The following ANAPC10 variants were observed in gnomAD, a reference collection of about 807,000 sequenced individuals.
ANAPC10 encodes anaphase promoting complex subunit 10.
In ANAPC10, 12 loss-of-function variants were observed where a neutral mutation model predicts 22.0. The ratio of observed to expected loss-of-function variants is 0.55; its 90% CI spans 0.35 to 0.88. ANAPC10 has a LOEUF of 0.88. Among genes scored for constraint, ANAPC10 ranks in the 40% least tolerant of loss-of-function variants. ANAPC10 has a pLI of 0.01. For synonymous variants in ANAPC10, 65 were observed against 69.5 expected, an observed-to-expected ratio of 0.94 and a Z score of 0.32; for missense variants, 188 against 220.9, an observed-to-expected ratio of 0.85 and a Z score of 0.94.
intron 4 of ANAPC10, among the ~76,000 whole-genome samples, chr4:145,053,938 C>G (rs1426925986): frequency 6.6e-6 from 1 of 151,492 alleles, no homozygotes; most frequent in Non-Finnish European, 1.5e-5. Context: ...TAGATGAAGT[C>G]TCTCTCTGTC....
At chr4:145,075,510 T>C (rs1252862598) in intron 3 of ANAPC10, among the ~76,000 whole-genome samples, 2 of 150,196 alleles carry the variant, frequency 1.3e-5, no homozygotes, top group African/African-American at 2.5e-5. Flanking sequence ...AAGACAAGCA[T>C]ACTTTAAGCA....
chr4:145,054,654 C>T (rs571818001), intron 4 of ANAPC10, among the ~76,000 whole-genome samples: 24 of 142,068 alleles, frequency 1.7e-4, no homozygotes, highest in South Asian at 6.8e-4. Context: ...CGCGCGCGCG[C>T]GTGCGTGCAG....
intron 4 of ANAPC10, among the ~76,000 whole-genome samples, chr4:145,017,171 G>A (rs1298284726): frequency 1.5e-4 from 23 of 151,974 alleles, no homozygotes; most frequent in Admixed American, 7.2e-4. Context: ...AACTACCATC[G>A]GAGTAAACAG....
chr4:145,061,764 A>C (rs1742924906), intron 4 of ANAPC10, among the ~76,000 whole-genome samples: 1 of 152,200 alleles, frequency 6.6e-6, no homozygotes, highest in Non-Finnish European at 1.5e-5. Flanking sequence ...AGAACTAAAC[A>C]CTGATTAAAT....
At chr4:145,001,843 T>C (rs1380037637) in intron 4 of ANAPC10, among the ~76,000 whole-genome samples, 5 of 152,156 alleles carry the variant, frequency 3.3e-5, no homozygotes, top group Non-Finnish European at 5.9e-5. Context: ...TGGCTGTGAC[T>C]TACTTAAGAG....
chr4:144,994,754 A>G lies in ANAPC10; in HGVS notation c.*619T>C, dbSNP rs933121247. 6.6e-6 allele frequency: 1 copy of G among 152,096 alleles called. No homozygotes were observed. Among genetic ancestry groups the G allele is most frequent in the Admixed American group, 6.6e-5 (1 of 15,260 alleles). The allele number at this position is 152,096 out of a possible 1,614,324, so 9.4% of individuals were successfully genotyped here. Reference sequence around the variant, plus strand: ...AGATTATACAGGCAATCTTTACATAATATCATTAGGATACAGACAACCCTA... The same window carrying G: ...AGATTATACAGGCAATCTTTACATAGTATCATTAGGATACAGACAACCCTA... On this transcript the variant is annotated 3_prime_UTR_variant, in exon 5 of 5. Transcript: ENST00000507656.
intron 4 of ANAPC10, among the ~76,000 whole-genome samples, chr4:145,002,372 T>C (rs1323410922): frequency 6.6e-6 from 1 of 152,102 alleles, no homozygotes; most frequent in Non-Finnish European, 1.5e-5. Context: ...TCTTCTGCCC[T>C]AGTGAAGAAG....
chr4:145,039,751 CA>C (rs1241322466), intron 4 of ANAPC10, among the ~76,000 whole-genome samples: 1 of 152,032 alleles, frequency 6.6e-6, no homozygotes, highest in African/African-American at 2.4e-5. Context: ...CGCACCACCA[CA>C]CCCACCTAAT....
intron 3 of ANAPC10, among the ~76,000 whole-genome samples, chr4:145,073,622 T>A (rs906833185): frequency 1.3e-5 from 2 of 152,130 alleles, no homozygotes; most frequent in African/African-American, 4.8e-5. Flanking sequence ...TTTATTACTA[T>A]CAATGTTTTC....
intron 4 of ANAPC10, among the ~76,000 whole-genome samples, chr4:145,027,779 G>A (rs1736976796): frequency 6.6e-6 from 1 of 152,132 alleles, no homozygotes. Context: ...ATCCCTTGAG[G>A]GTGAGATTAA....
chr4:145,034,549 G>A (rs978974511), intron 4 of ANAPC10, among the ~76,000 whole-genome samples: 1,518 of 93,510 alleles, frequency 0.016, 14 homozygotes, highest in South Asian at 0.047. Context: ...ATATATGTGT[G>A]TGTGTGTGTG....
chr4:145,079,464 G>A (rs1334096114), intron 3 of ANAPC10, among the ~76,000 whole-genome samples: 1 of 152,244 alleles, frequency 6.6e-6, no homozygotes, highest in Non-Finnish European at 1.5e-5. Context: ...GTGGAAAGCA[G>A]TTTGGAGATT....
intron 4 of ANAPC10, among the ~76,000 whole-genome samples, chr4:144,997,033 A>G (rs1731723598): frequency 6.6e-6 from 1 of 152,184 alleles, no homozygotes; most frequent in Admixed American, 6.5e-5. Flanking sequence ...AGAGAAGGTT[A>G]GAGAAAAAAG....
intron 4 of ANAPC10, among the ~76,000 whole-genome samples, chr4:145,032,231 G>A (rs1418567511): frequency 6.6e-6 from 1 of 152,244 alleles, no homozygotes; most frequent in Non-Finnish European, 1.5e-5. Flanking sequence ...GGACATCCCT[G>A]AAGGACAGCG....
chr4:145,079,605 T>C (rs1041441000), intron 3 of ANAPC10, among the ~76,000 whole-genome samples: 3 of 152,164 alleles, frequency 2.0e-5, no homozygotes, highest in African/African-American at 4.8e-5. Flanking sequence ...CTACGCACAA[T>C]AGCAAAGACA....
chr4:145,055,574 A>T (rs893425206), intron 4 of ANAPC10, among the ~76,000 whole-genome samples: 49 of 152,032 alleles, frequency 3.2e-4, no homozygotes, highest in Admixed American at 3.3e-4. Flanking sequence ...TAAAAAAAAA[A>T]TTAAATAAAA....
intron 3 of ANAPC10, among the ~76,000 whole-genome samples, chr4:145,078,236 G>A (rs1745465204): frequency 6.6e-6 from 1 of 151,014 alleles, no homozygotes; most frequent in South Asian, 2.1e-4. Context: ...TAACATACAA[G>A]CTAAGTGCCA....
At chr4:145,021,192 A>T (rs1175473507) in intron 4 of ANAPC10, among the ~76,000 whole-genome samples, 1 of 152,154 alleles carries the variant, frequency 6.6e-6, no homozygotes, top group Non-Finnish European at 1.5e-5. Context: ...ATTCATAAAG[A>T]ACCACAAAAA....
intron 4 of ANAPC10, among the ~76,000 whole-genome samples, chr4:145,032,160 TC>T (rs1211239427): frequency 6.6e-6 from 1 of 152,184 alleles, no homozygotes; most frequent in African/African-American, 2.4e-5. Context: ...CACAGATGGT[TC>T]TGCATGATAT....
Sources: allele counts gnomAD v4.1 joint callset (sites outside exome capture counted in the v4.1 genomes callset), GRCh38; gene constraint gnomAD v4.1.1; transcripts MANE v1.5; gene names NCBI Gene and HGNC (gene_info 2026-07-23, HGNC 2026-07-21).